OR51B5: variants seen among roughly 807,000 people sequenced by gnomAD.
OR51B5 encodes olfactory receptor family 51 subfamily B member 5.
For synonymous variants in OR51B5, 186 were observed against 144.8 expected, an observed-to-expected ratio of 1.28 and a Z score of -2.04; for missense variants, 456 against 374.6, an observed-to-expected ratio of 1.22 and a Z score of -1.79.
rs1442768606 is a variant in OR51B5 at position 5,402,663 on chromosome 11, C to T, written n.85-55753G>A. ...TTTCATTTTGGTTGGCATCCCAGGG[C>T]TGGAGTCAGAGCACCTCTGGATATC... On this transcript the variant is annotated intron_variant and non_coding_transcript_variant, in intron 1 of 4. Coordinates refer to the OR51B5 transcript ENST00000415970. 3.0e-5 allele frequency: 14 copies of T among 471,192 alleles called. No individual in the cohort carries two copies. Among genetic ancestry groups the T allele is most frequent in the Non-Finnish European group, 6.2e-5 (14 of 227,104 alleles). 29.2% of individuals were successfully genotyped at this position (471,192 alleles called of 1,614,324 possible). A position where few individuals can be genotyped will look rare whatever the true frequency, so the allele number is the denominator to read the frequency against.
chr11:5,391,674 GT>G (rs1285734046), intron 1 of OR51B5: 1 of 152,142 alleles, frequency 6.6e-6, no homozygotes, highest in Non-Finnish European at 1.5e-5. Flanking sequence ...TATCTTCATT[GT>G]CCCAGTTCTA....
intron 1 of OR51B5, among the ~76,000 whole-genome samples, chr11:5,430,050 T>C (rs149448676): frequency 2.0e-5 from 3 of 152,304 alleles, no homozygotes; most frequent in South Asian, 2.1e-4. Context: ...AGTTGCTTCA[T>C]AGGTAAATGT....
At chr11:5,418,875 T>TA (rs771135057) in intron 1 of OR51B5, among the ~76,000 whole-genome samples, 1 of 22,262 alleles carries the variant, frequency 4.5e-5, no homozygotes, top group African/African-American at 9.6e-5. Context: ...CTTGAAGTAT[T>TA]ATAAAAAAAA....
At chr11:5,441,761 G>A (rs745615138) in intron 1 of OR51B5, among the ~76,000 whole-genome samples, 15 of 152,142 alleles carry the variant, frequency 9.9e-5, no homozygotes, top group Non-Finnish European at 2.1e-4. Flanking sequence ...TCAAATGAGT[G>A]CCCATAACAT....
At position 5,357,685 on chromosome 11, in the gene OR51B5, T is replaced by C. The variant is rs1200395096; in HGVS notation, n.85-10775A>G. On this transcript the variant is annotated intron_variant and non_coding_transcript_variant, in intron 1 of 4. Transcript: ENST00000415970. ...CTCTCCACCCCAAATCAACAGAATATACATTCTTTTCAGCACCACACCACA... is the reference window on the plus strand; with the variant it reads ...CTCTCCACCCCAAATCAACAGAATACACATTCTTTTCAGCACCACACCACA... Among the ~76,000 whole-genome samples, 11 of 150,406 alleles carry C rather than the reference T, an allele frequency of 7.3e-5. No homozygotes were observed. The East Asian group carries it at 7.7e-4, about 11-fold the overall frequency.
intron 1 of OR51B5, among the ~76,000 whole-genome samples, chr11:5,352,756 TTACACACATACATA>T (rs1849119399): frequency 6.7e-6 from 1 of 150,228 alleles, no homozygotes; most frequent in Non-Finnish European, 1.5e-5. Context: ...ACATACATAC[TTACACACATACATA>T]TACACACACA....
chr11:5,358,579 T>G (rs140335980), intron 1 of OR51B5, among the ~76,000 whole-genome samples: 8,523 of 152,286 alleles, frequency 0.056, 274 homozygotes, highest in South Asian at 0.096. Flanking sequence ...GAGGAGCTGG[T>G]ACCATTCCCT....
At chr11:5,440,698 C>T in intron 1 of OR51B5, 1 of 1,613,944 alleles carries the variant, frequency 6.2e-7, no homozygotes, top group Non-Finnish European at 8.5e-7. Context: ...ACATGAACAA[C>T]AGGTGGAGCA....
At chr11:5,477,529 C>T (rs1012705430) in intron 1 of OR51B5, among the ~76,000 whole-genome samples, 3 of 152,182 alleles carry the variant, frequency 2.0e-5, no homozygotes, top group African/African-American at 7.2e-5. Context: ...CAAATAGGAA[C>T]AGCTCCGGTC....
intron 1 of OR51B5, among the ~76,000 whole-genome samples, chr11:5,397,265 G>A (rs189390501): frequency 0.011 from 1,633 of 152,156 alleles, 30 homozygotes; most frequent in African/African-American, 0.037. Flanking sequence ...GAGTGAACAG[G>A]CAACCTACAC....
intron 1 of OR51B5, chr11:5,422,477 A>T (rs1850357029): frequency 6.2e-7 from 1 of 1,614,060 alleles, no homozygotes; most frequent in Non-Finnish European, 8.5e-7. Flanking sequence ...CAACGTTCGT[A>T]GAATCAGCTC....
intron 1 of OR51B5, chr11:5,422,838 C>G (rs763957604): frequency 3.1e-6 from 5 of 1,614,028 alleles, no homozygotes; most frequent in Admixed American, 3.3e-5. Flanking sequence ...ATCGTGGATC[C>G]TCTGCTCATT....
chr11:5,422,342 C>T (rs1850353130), intron 1 of OR51B5: 1 of 1,614,142 alleles, frequency 6.2e-7, no homozygotes. Flanking sequence ...TACCACCATC[C>T]TCACTGTCAT....
intron 1 of OR51B5, among the ~76,000 whole-genome samples, chr11:5,363,529 T>TAC (rs1233889248): frequency 6.6e-6 from 1 of 152,030 alleles, no homozygotes; most frequent in African/African-American, 2.4e-5. Context: ...CTCCATGAGG[T>TAC]ACACTCACTA....
chr11:5,442,315 C>A (rs1327090774), intron 1 of OR51B5, among the ~76,000 whole-genome samples: 1 of 152,058 alleles, frequency 6.6e-6, no homozygotes, highest in East Asian at 1.9e-4. Flanking sequence ...TAACCATTAC[C>A]AAAATTTTAA....
chr11:5,420,316 T>G (rs930022440), intron 1 of OR51B5, among the ~76,000 whole-genome samples: 1 of 152,068 alleles, frequency 6.6e-6, no homozygotes, highest in African/African-American at 2.4e-5. Context: ...TCATAAAAAT[T>G]TCTCTGTTAT....
intron 1 of OR51B5, among the ~76,000 whole-genome samples, chr11:5,469,619 A>T (rs1851195873): frequency 6.6e-6 from 1 of 152,184 alleles, no homozygotes; most frequent in Admixed American, 6.5e-5. Flanking sequence ...CAGCACCCTT[A>T]GATCTGTCAT....
intron 1 of OR51B5, among the ~76,000 whole-genome samples, chr11:5,358,365 C>T (rs1282849212): frequency 1.3e-5 from 2 of 152,142 alleles, no homozygotes; most frequent in African/African-American, 4.8e-5. Flanking sequence ...CTATAAACAC[C>T]TCTACACAAA....
upstream of OR51B5, chr11:5,347,057 C>T (rs1849003583): frequency 6.6e-6 from 1 of 152,180 alleles, no homozygotes; most frequent in African/African-American, 2.4e-5. Context: ...TTAGTCCCCC[C>T]AAGCTTTTAA....
Sources: allele counts gnomAD v4.1 joint callset (sites outside exome capture counted in the v4.1 genomes callset), GRCh38; gene constraint gnomAD v4.1.1; transcripts MANE v1.5; gene names NCBI Gene and HGNC (gene_info 2026-07-23, HGNC 2026-07-21).